The following ZSCAN16 variants were observed in gnomAD, a reference collection of about 807,000 sequenced individuals.
ZSCAN16 encodes the protein zinc finger and SCAN domain-containing protein 16.
In ZSCAN16, 15 loss-of-function variants were observed where a neutral mutation model predicts 19.4. The ratio of observed to expected loss-of-function variants is 0.77; its 90% confidence interval spans 0.52 to 1.19. The LOEUF (loss-of-function observed/expected upper bound fraction) is 1.19, where lower values mean the gene tolerates loss of function less well. Among genes scored for constraint, ZSCAN16 ranks in the 50% most tolerant of loss-of-function variants. The probability of loss-of-function intolerance (pLI) is 0.00; values close to 1 mark genes in which losing one functional copy is unlikely to be tolerated. For synonymous variants in ZSCAN16, 138 were observed against 146.5 expected (o/e 0.94, Z 0.42); for missense variants, 327 against 415.7 (o/e 0.79, Z 1.86).
In ZSCAN16 at chr6:28,125,753, C is replaced by A; in HGVS notation, c.310C>A (p.His104Asn). The change falls in exon 2 of 4, where the codon CAC becomes AAC. Residue 104 changes from histidine (H) to asparagine (N), a missense_variant. Coordinates refer to ENST00000340487, the MANE Select transcript of ZSCAN16 (RefSeq NM_025231.3). This position sits in a 1 kb window ranked among gnomAD's most constrained non-coding sequence, Gnocchi z 6.2. ...AGACCTGCAAGCATGGGTGCGTGCA[C>A]ACCATCCAGAGACTGGAGAGGAGGC... ...PKDLQAWVRA[H>N]HPETGEEAVT... The A allele has an allele frequency of 6.2e-7, 1 of 1,614,168 alleles. No homozygotes were observed. The highest frequency in any genetic ancestry group is 8.5e-7 in the Non-Finnish European group (1 of 1,180,010).
chr6:28,129,519 C>G lies in ZSCAN16; in HGVS notation c.616C>G (p.Leu206Val). ...ATTCCTTGGGGAGATAAATGACAGA[C>G]TGAACAAAGATACTCCTCAGCATCC... The part of the protein sequence containing the change: ...KEFLGEINDR[L>V]NKDTPQHPKS... Residue 206 changes from leucine (L) to valine (V), a missense_variant, in exon 4 of 4, where the codon CTG (leucine) becomes GTG (valine). Leu to Val is a conservative substitution (Grantham distance 32). Transcript: ENST00000340487. 1 of 1,614,066 alleles carries G rather than the reference C, an allele frequency of 6.2e-7. No individual in the cohort carries two copies. Among genetic ancestry groups the G allele is most frequent in the East Asian group, 2.2e-5 (1 of 44,878 alleles).
At chr6:28,127,781 G>A (rs149308767) in intron 3 of ZSCAN16, among the ~76,000 whole-genome samples, 269 of 152,220 alleles carry the variant, frequency 1.8e-3, no homozygotes, top group African/African-American at 5.8e-3. Context: ...TAAAAAGCTG[G>A]TGAATTTTAA....
At chr6:28,124,807 C>G (rs370820140) in intron 1 of ZSCAN16, 130 bp downstream of exon 1, 1 of 152,650 alleles carries the variant, frequency 6.6e-6, no homozygotes, top group African/African-American at 2.4e-5. Context: ...CGCCCCCCAA[C>G]AGATCTACAG....
chr6:28,129,922 G>T lies in ZSCAN16; in HGVS notation c.1019G>T (p.Arg340Ile), dbSNP rs889921850. 6.3e-7 allele frequency: 1 copy of T among 1,597,008 alleles called. No homozygotes were observed. Among genetic ancestry groups the T allele is most frequent in the South Asian group, 1.1e-5 (1 of 88,454 alleles). Residue 340 changes from arginine to isoleucine, a missense_variant, in exon 4 of 4, where the codon AGA becomes ATA. Physicochemically the swap from Arg to Ile is moderately conservative, Grantham distance 97 (BLOSUM62 -3). Transcript: ENST00000340487. The part of the protein sequence containing the change: ...RVSSALIRHQ[R>I]IHTANKLY ...AGTTCAGCTCTTATTAGACATCAAA[G>T]AATTCATACCGCAAATAAACTCTAC...
At chr6:28,124,846 A>T (rs563574939) in intron 1 of ZSCAN16, among the ~76,000 whole-genome samples, 169 bp downstream of exon 1, 1 of 151,970 alleles carries the variant, frequency 6.6e-6, no homozygotes, top group East Asian at 1.9e-4. Context: ...CTTCCGGGAG[A>T]GGATGGGTGG....
Position 28,125,215 on chromosome 6 carries a change from T to TTTTTG in ZSCAN16, c.-31-174_-31-170dup, listed in dbSNP as rs70983931. On this transcript the variant is annotated intron_variant, in intron 1 of 3. Coordinates refer to ENST00000340487, the MANE Select transcript of ZSCAN16 (RefSeq NM_025231.3). This position sits in a 1 kb window ranked among gnomAD's most constrained non-coding sequence, Gnocchi z 6.2. ...TCAAATCATATCCCTGCGTCACTGT[T>TTTTTG]TTTTGTTTTGTTTTGTTTTGTTTTG... 0.26 allele frequency among the ~76,000 whole-genome samples: 39,223 copies of TTTTTG among 151,324 alleles called. 6,343 individuals are homozygous for TTTTTG. The highest frequency in any genetic ancestry group is 0.46 in the African/African-American group (18,729 of 40,950).
chr6:28,129,990 T>C lies in ZSCAN16; in HGVS notation c.*40T>C. 4 of 1,447,448 alleles carry C rather than the reference T, an allele frequency of 2.8e-6. No homozygotes were observed. Among genetic ancestry groups the C allele is most frequent in the Non-Finnish European group, 3.7e-6 (4 of 1,075,074 alleles). The allele number at this position is 1,447,448 out of a possible 1,614,324, so 89.7% of individuals were successfully genotyped here. ...CAAAAGTTCTTTGGACACTCAGGCC[T>C]AACTAGTTATCAAAGAATCTATTTT... On this transcript the variant is annotated 3_prime_UTR_variant, in exon 4 of 4. Coordinates refer to ENST00000340487, the MANE Select transcript of ZSCAN16 (RefSeq NM_025231.3).
rs185747125 is a variant in ZSCAN16 at position 28,130,051 on chromosome 6, C to T, written c.*101C>T. On this transcript the variant is annotated 3_prime_UTR_variant, in exon 4 of 4. Coordinates refer to ENST00000340487, the MANE Select transcript of ZSCAN16 (RefSeq NM_025231.3). ...AGTTTCCTCAATGTGGTCAAAGCTT[C>T]AGTCATCATTAAACTTCTCTGGACC... is the stretch of plus-strand genomic sequence containing the variant. 69 of 935,124 alleles carry T rather than the reference C, an allele frequency of 7.4e-5. No homozygotes were observed. The Admixed American group carries it at 1.6e-3, about 21-fold the overall frequency. 57.9% of individuals were successfully genotyped at this position (935,124 alleles called of 1,614,324 possible).
Position 28,129,947 on chromosome 6 carries a change from C to A in ZSCAN16, c.1044C>A (p.Tyr348Ter). Reference protein sequence around the residue: ...HQRIHTANKLY With the variant: ...HQRIHTANKL ...GAATTCATACCGCAAATAAACTCTACTAATATAGCAGTAATATCAAAAGTT... is the reference window on the plus strand; with the variant it reads ...GAATTCATACCGCAAATAAACTCTAATAATATAGCAGTAATATCAAAAGTT... Residue 348 changes from tyrosine (Y) to a stop codon, truncating the protein, a stop_gained, in exon 4 of 4, where the codon TAC becomes TAA. Transcript: ENST00000340487. LOFTEE classifies it high-confidence loss of function. The A allele has an allele frequency of 3.2e-6, 5 of 1,566,438 alleles. No homozygotes were observed. The highest frequency in any genetic ancestry group is 4.3e-6 in the Non-Finnish European group (5 of 1,158,234).
In ZSCAN16 at chr6:28,125,941, A is replaced by C. The variant is rs1465895454; in HGVS notation, c.387+111A>C. ...ATATTTATCCTCTAAAGAACAAGGC[A>C]TAGGAAGGGACCTGACTACCTATGT... On this transcript the variant is annotated intron_variant, in intron 2 of 3. Coordinates refer to ENST00000340487, the MANE Select transcript of ZSCAN16 (RefSeq NM_025231.3). This position sits in a 1 kb window ranked among gnomAD's most constrained non-coding sequence, Gnocchi z 6.2. The C allele has an allele frequency of 3.6e-6, 3 of 844,972 alleles. No individual in the cohort carries two copies. In the African/African-American group the frequency reaches 5.1e-5, roughly 15 times the overall value. 52.3% of individuals were successfully genotyped at this position (844,972 alleles called of 1,614,324 possible).
intron 2 of ZSCAN16, 96 bp from the exon 3 acceptor site, chr6:28,126,687 C>T (rs922034048): frequency 8.0e-6 from 8 of 1,003,760 alleles, no homozygotes; most frequent in Admixed American, 7.2e-5. Flanking sequence ...ATTTGTCCCC[C>T]CTTTCTATGT....
intron 3 of ZSCAN16, 32 bp downstream of exon 3, chr6:28,126,953 T>C (rs2275508): frequency 0.23 from 334,426 of 1,439,778 alleles, 39,708 homozygotes; most frequent in African/African-American, 0.3. Flanking sequence ...TGTATGAGGG[T>C]AGAGGTACTT....
In ZSCAN16 at chr6:28,129,699, T is replaced by C; in HGVS notation, c.796T>C (p.Cys266Arg). The C allele has an allele frequency of 6.2e-7, 1 of 1,614,144 alleles. No individual in the cohort carries two copies. The highest frequency in any genetic ancestry group is 8.5e-7 in the Non-Finnish European group (1 of 1,180,010). Residue 266 changes from cysteine to arginine, a missense_variant, in exon 4 of 4, where the codon TGT (cysteine) becomes CGT (arginine). Transcript: ENST00000340487. The part of the protein sequence containing the change: ...RTHTGEKPYK[C>R]DECGKAFIQR... The stretch of plus-strand genomic sequence containing the variant: ...TCACACGGGAGAGAAGCCCTATAAA[T>C]GTGATGAGTGTGGAAAAGCCTTCAT...
rs532756767 is a variant in ZSCAN16 at position 28,128,154 on chromosome 6, AT to A, written c.526+1241del. Among the ~76,000 whole-genome samples the A allele has an allele frequency of 2.6e-3, 396 of 151,510 alleles. 2 individuals are homozygous for A. Among genetic ancestry groups the A allele is most frequent in the African/African-American group, 8.8e-3 (364 of 41,270 alleles). ...TTCTTTTTTATTTTTATTTTATTTT[AT>A]TTTTTTTAGAGGAGAGGTCTCACTA... On this transcript the variant is annotated intron_variant, in intron 3 of 3. Transcript: ENST00000340487.
At chr6:28,127,313 C>T (rs1285950321) in intron 3 of ZSCAN16, among the ~76,000 whole-genome samples, 6 of 152,114 alleles carry the variant, frequency 3.9e-5, no homozygotes, top group Non-Finnish European at 8.8e-5. Flanking sequence ...TATTTTCTCA[C>T]AGTTCTGGAG....
chr6:28,129,301 A>T (rs992740811), intron 3 of ZSCAN16, 129 bp from the exon 4 acceptor site: 1 of 1,127,952 alleles, frequency 8.9e-7, no homozygotes, highest in Non-Finnish European at 1.2e-6. Context: ...AATATTTGAT[A>T]TGTGTGTTGT....
intron 3 of ZSCAN16, among the ~76,000 whole-genome samples, chr6:28,128,464 A>G (rs1235195751): frequency 6.6e-6 from 1 of 152,200 alleles, no homozygotes; most frequent in Non-Finnish European, 1.5e-5. Flanking sequence ...ACCGTGAACT[A>G]CAAAGAGGAT....
Position 28,129,766 on chromosome 6 carries a change from G to C in ZSCAN16, c.863G>C (p.Gly288Ala), listed in dbSNP as rs151021669. 1 of 1,614,016 alleles carries C rather than the reference G, an allele frequency of 6.2e-7. No individual in the cohort carries two copies. The highest frequency in any genetic ancestry group is 1.3e-5 in the African/African-American group (1 of 74,928). Residue 288 changes from glycine (G) to alanine (A), a missense_variant, in exon 4 of 4, where the codon GGA becomes GCA. Coordinates refer to ENST00000340487, the MANE Select transcript of ZSCAN16 (RefSeq NM_025231.3). ...HLIGHHRVHT[G>A]VKPYKCKECG... Reference sequence around the variant, plus strand: ...ATTGGACATCATAGAGTACACACGGGAGTAAAACCCTATAAATGTAAAGAA... The same window carrying C: ...ATTGGACATCATAGAGTACACACGGCAGTAAAACCCTATAAATGTAAAGAA...
intron 3 of ZSCAN16, among the ~76,000 whole-genome samples, chr6:28,127,669 A>G (rs1375957719): frequency 6.6e-6 from 1 of 152,172 alleles, no homozygotes; most frequent in East Asian, 1.9e-4. Context: ...CAATACAGCA[A>G]AGTTTCTTGT....
Sources: allele counts gnomAD v4.1 joint callset (sites outside exome capture counted in the v4.1 genomes callset), GRCh38; gene constraint gnomAD v4.1.1; non-coding constraint Gnocchi (gnomAD v3.1); transcripts MANE v1.5; gene names NCBI Gene and HGNC (gene_info 2026-07-23, HGNC 2026-07-21).